TMIGD3: variants seen among roughly 807,000 people sequenced by gnomAD.
The protein encoded by TMIGD3 is transmembrane and immunoglobulin domain containing 3.
Under a neutral mutation model 28.1 loss-of-function variants are expected in TMIGD3, and 21 were observed. The observed-to-expected ratio is 0.75, with a 90% CI of 0.53 to 1.08. TMIGD3 has a LOEUF of 1.08. TMIGD3 is among the 50% of genes least tolerant of loss of function. TMIGD3 has a pLI of 0.00. For missense variants in TMIGD3, 416 were observed against 435.6 expected, an observed-to-expected ratio of 0.96 and a Z score of 0.40; for synonymous variants, 151 against 162.1, an observed-to-expected ratio of 0.93 and a Z score of 0.52.
intron 1 of TMIGD3, among the ~76,000 whole-genome samples, chr1:111,512,800 C>T (rs557051221): frequency 2.0e-5 from 3 of 152,344 alleles, no homozygotes; most frequent in Admixed American, 2.0e-4. Flanking sequence ...GTTGGGAAGC[C>T]ACAGGGGTGT....
At chr1:111,525,548 C>A (rs1571436062) in intron 1 of TMIGD3, among the ~76,000 whole-genome samples, 1 of 152,038 alleles carries the variant, frequency 6.6e-6, no homozygotes, top group African/African-American at 2.4e-5. Flanking sequence ...ACTTTTATCC[C>A]ATTTGTGTCT....
chr1:111,519,018 A>G (rs1655961974), intron 1 of TMIGD3, among the ~76,000 whole-genome samples: 1 of 152,148 alleles, frequency 6.6e-6, no homozygotes. Context: ...GACTCACCGC[A>G]ACCTCTGCCT....
intron 1 of TMIGD3, among the ~76,000 whole-genome samples, chr1:111,538,521 G>A (rs1456769569): frequency 6.6e-6 from 1 of 152,096 alleles, no homozygotes; most frequent in East Asian, 1.9e-4. Context: ...GCCCTTCATG[G>A]GGGGCATCTA....
At chr1:111,493,994 A>C (rs1444077968) in intron 1 of TMIGD3, among the ~76,000 whole-genome samples, 3 of 114,450 alleles carry the variant, frequency 2.6e-5, no homozygotes, top group African/African-American at 1.1e-4. Flanking sequence ...GCATTTGGTT[A>C]AAAGAAACTG....
Position 111,488,840 on chromosome 1 carries a change from T to C in TMIGD3, c.642A>G (p.Thr214=). 2.5e-6 allele frequency: 4 copies of C among 1,614,252 alleles called. No individual in the cohort carries two copies. Among genetic ancestry groups the C allele is most frequent in the Non-Finnish European group, 3.4e-6 (4 of 1,180,044 alleles). Residue 214 remains threonine, a synonymous_variant, in exon 3 of 6, where the codon ACA becomes ACG. Transcript: ENST00000369716. ...NSTNHVALRD[T]GNQLIVTMSC... ...ACATAGTGACAATGAGCTGGTTCCC[T>C]GTGTCCCTCAGGGCCACATGATTGG...
rs148925709 is a variant in TMIGD3 at position 111,551,828 on chromosome 1, A to G, written c.107+12018T>C. ...AACTTTATTGGGGCATGCCTTCAGCACTCAGCCGAGCGGTTTACAGTTCGG... is the reference window on the plus strand; with the variant it reads ...AACTTTATTGGGGCATGCCTTCAGCGCTCAGCCGAGCGGTTTACAGTTCGG... On this transcript the variant is annotated intron_variant, in intron 1 of 5. Coordinates refer to the TMIGD3 transcript ENST00000369717. 5.5e-3 allele frequency among the ~76,000 whole-genome samples: 838 copies of G among 151,338 alleles called. 17 individuals carry two copies. The highest frequency in any genetic ancestry group is 0.048 in the Admixed American group (728 of 15,154).
At chr1:111,516,308 G>A (rs1655866258) in intron 1 of TMIGD3, among the ~76,000 whole-genome samples, 1 of 152,220 alleles carries the variant, frequency 6.6e-6, no homozygotes. Context: ...TCAGGAGGAG[G>A]AACTTGTAGA....
intron 1 of TMIGD3, among the ~76,000 whole-genome samples, chr1:111,560,449 C>T (rs1183061528): frequency 8.2e-6 from 1 of 122,388 alleles, no homozygotes; most frequent in Admixed American, 7.3e-5. Flanking sequence ...TTGAAAGAAG[C>T]CCTTGGTAGC....
chr1:111,486,801 G>C (rs1353597138), intron 3 of TMIGD3, 149 bp from the exon 4 acceptor site: 1 of 708,024 alleles, frequency 1.4e-6, no homozygotes. Flanking sequence ...ACGCGCAGTT[G>C]TATAAATGTG....
intron 5 of TMIGD3, 170 bp downstream of exon 5, chr1:111,485,570 C>T: frequency 3.6e-6 from 2 of 555,256 alleles, no homozygotes; most frequent in South Asian, 4.9e-5. Context: ...TCTCGTGATG[C>T]CTTGTCACCA....
intron 1 of TMIGD3, among the ~76,000 whole-genome samples, chr1:111,542,014 T>C (rs1272117214): frequency 1.3e-5 from 2 of 151,986 alleles, no homozygotes; most frequent in African/African-American, 4.8e-5. Flanking sequence ...ACACCATTCA[T>C]TCCATAAGCA....
At chr1:111,489,696 C>T (rs878930446) in intron 2 of TMIGD3, 4 of 1,091,312 alleles carry the variant, frequency 3.7e-6, no homozygotes, top group African/African-American at 3.4e-5. Context: ...CTAGCTCCCA[C>T]CCTACCTTAG....
At chr1:111,537,360 T>C (rs977126575) in intron 1 of TMIGD3, among the ~76,000 whole-genome samples, 5 of 152,230 alleles carry the variant, frequency 3.3e-5, no homozygotes, top group Admixed American at 1.3e-4. Context: ...AAATATCTTG[T>C]GTTGGATTCA....
Position 111,495,204 on chromosome 1 carries a change from T to C in TMIGD3, c.351-4442A>G, listed in dbSNP as rs553685530. Among the ~76,000 whole-genome samples, 10 of 152,188 alleles carry C rather than the reference T, an allele frequency of 6.6e-5. No individual in the cohort carries two copies. In the South Asian group the frequency reaches 2.1e-3, roughly 32 times the overall value. On this transcript the variant is annotated intron_variant, in intron 1 of 5. Coordinates refer to ENST00000369716, the MANE Select transcript of TMIGD3 (RefSeq NM_020683.7). ...GCAAAAGATATTATGGGAAAAGTAT[T>C]TGCGAACTATTCATCTGACAAAGGT...
At chr1:111,485,403 C>G in intron 5 of TMIGD3, 1 of 245,670 alleles carries the variant, frequency 4.1e-6, no homozygotes, top group Non-Finnish European at 7.9e-6. Context: ...CCCAGCGGTC[C>G]CAGAAGCTCA....
chr1:111,486,485 T>C, intron 4 of TMIGD3, 101 bp downstream of exon 4: 2 of 833,310 alleles, frequency 2.4e-6, no homozygotes, highest in East Asian at 2.5e-5. Flanking sequence ...AGTAGAAAAG[T>C]TGTCGGTGCA....
intron 4 of TMIGD3, 53 bp downstream of exon 4, chr1:111,486,533 C>T (rs1654382073): frequency 5.0e-6 from 7 of 1,405,520 alleles, no homozygotes; most frequent in Non-Finnish European, 7.1e-6. Context: ...ACCCCAGCCC[C>T]TACCTCCACC....
chr1:111,518,658 G>A (rs1041309509), intron 1 of TMIGD3, among the ~76,000 whole-genome samples: 1 of 152,170 alleles, frequency 6.6e-6, no homozygotes, highest in Admixed American at 6.5e-5. Flanking sequence ...ACCAAGCTTT[G>A]CCTAACACCA....
intron 1 of TMIGD3, among the ~76,000 whole-genome samples, chr1:111,543,155 C>G (rs1656906719): frequency 6.6e-6 from 1 of 152,172 alleles, no homozygotes; most frequent in South Asian, 2.1e-4. Flanking sequence ...GCGCAGGTGA[C>G]AGCTCTTTGG....
Sources: gnomAD v4.1 joint callset for allele counts (sites outside exome capture counted in the v4.1 genomes callset) on GRCh38, gnomAD v4.1.1 for gene constraint, MANE v1.5 for transcripts, NCBI Gene and HGNC (gene_info 2026-07-23, HGNC 2026-07-21) for gene names.